Variants in ELMO1 observed in about 807,000 individuals in gnomAD.
ELMO1 encodes engulfment and cell motility protein 1.
A neutral mutation model predicts 98.9 loss-of-function variants in ELMO1; 26 were observed. That is an observed-to-expected ratio of 0.26 (90% CI 0.19 to 0.36). The LOEUF (loss-of-function observed/expected upper bound fraction) is 0.36, where lower values mean the gene tolerates loss of function less well. ELMO1 is among the 10% of genes least tolerant of loss of function. The probability of loss-of-function intolerance (pLI) is 1.00; values close to 1 mark genes in which losing one functional copy is unlikely to be tolerated. For synonymous variants in ELMO1, 346 were observed against 346.0 expected (o/e 1.00, Z 0.00); for missense variants, 627 against 935.2 (o/e 0.67, Z 4.30).
At chr7:37,382,114 A>T (rs1802605385) in intron 1 of ELMO1, among the ~76,000 whole-genome samples, 1 of 152,214 alleles carries the variant, frequency 6.6e-6, no homozygotes, top group South Asian at 2.1e-4. Context: ...TTTTATATAC[A>T]TTTAAGGCAA....
At chr7:37,044,003 G>C (rs1253147584) in intron 15 of ELMO1, among the ~76,000 whole-genome samples, 1 of 152,190 alleles carries the variant, frequency 6.6e-6, no homozygotes, top group Non-Finnish European at 1.5e-5. Flanking sequence ...ATGTCAGACA[G>C]ACTCAACGAG....
intron 16 of ELMO1, among the ~76,000 whole-genome samples, chr7:36,922,347 CAAAAAA>C (rs750588423): frequency 1.1e-4 from 9 of 85,564 alleles, no homozygotes; most frequent in South Asian, 3.8e-4. Context: ...CACAGACTTG[CAAAAAA>C]AAAAAAAAAA....
chr7:37,198,080 T>C (rs1185215120), intron 13 of ELMO1, among the ~76,000 whole-genome samples: 1 of 152,224 alleles, frequency 6.6e-6, no homozygotes, highest in African/African-American at 2.4e-5. Context: ...TCCTCGGCCA[T>C]GTGCCTACAT....
intron 1 of ELMO1, among the ~76,000 whole-genome samples, chr7:37,382,119 A>G (rs1802605560): frequency 6.6e-6 from 1 of 152,210 alleles, no homozygotes; most frequent in East Asian, 1.9e-4. Context: ...TATACATTTA[A>G]GGCAATCTCA....
chr7:36,890,400 C>T (rs1805448371), intron 17 of ELMO1, among the ~76,000 whole-genome samples: 1 of 152,204 alleles, frequency 6.6e-6, no homozygotes, highest in Non-Finnish European at 1.5e-5. Flanking sequence ...TACCCACTGT[C>T]CATCTCTCTG....
At chr7:36,983,360 T>C (rs2129145380) in intron 16 of ELMO1, among the ~76,000 whole-genome samples, 1 of 152,338 alleles carries the variant, frequency 6.6e-6, no homozygotes, top group East Asian at 1.9e-4. Flanking sequence ...CCAAAATGCC[T>C]TTTCAATTTG....
chr7:37,077,696 C>T (rs112167108), intron 15 of ELMO1, among the ~76,000 whole-genome samples: 2 of 152,278 alleles, frequency 1.3e-5, no homozygotes, highest in African/African-American at 4.8e-5. Context: ...GAGGCAGTGA[C>T]TGAAGATGGC....
intron 16 of ELMO1, among the ~76,000 whole-genome samples, chr7:36,903,679 C>T (rs1412439944): frequency 6.6e-6 from 1 of 152,154 alleles, no homozygotes; most frequent in Non-Finnish European, 1.5e-5. Context: ...TGGAGGAACA[C>T]TGGTCCGAAT....
At chr7:36,897,349 T>TGTGTGTGTGTGTGTGTGTGTGTGTGTGA (rs1370708472) in intron 16 of ELMO1, among the ~76,000 whole-genome samples, 25 of 151,738 alleles carry the variant, frequency 1.6e-4, no homozygotes, top group East Asian at 7.7e-4. Context: ...TGTGTGTGTG[T>TGTGTGTGTGTGTGTGTGTGTGTGTGTGA]GAAAGAGTGT....
intron 21 of ELMO1, 117 bp downstream of exon 21, chr7:36,861,542 C>T: frequency 3.4e-6 from 4 of 1,163,876 alleles, no homozygotes; most frequent in Non-Finnish European, 4.9e-6. Flanking sequence ...CAGCAAGATG[C>T]CCCTTGGTTC....
chr7:36,991,302 G>A (rs938171887), intron 16 of ELMO1, among the ~76,000 whole-genome samples: 4 of 152,072 alleles, frequency 2.6e-5, no homozygotes, highest in African/African-American at 9.7e-5. Context: ...CACTGATATC[G>A]TTTCCATAAC....
intron 6 of ELMO1, among the ~76,000 whole-genome samples, chr7:37,249,077 C>G (rs1435425862): frequency 6.6e-6 from 1 of 152,184 alleles, no homozygotes; most frequent in Non-Finnish European, 1.5e-5. Flanking sequence ...ATCAATAAAA[C>G]ATACAAATCC....
At chr7:37,170,849 T>C (rs571922440) in intron 13 of ELMO1, among the ~76,000 whole-genome samples, 87 of 152,216 alleles carry the variant, frequency 5.7e-4, no homozygotes, top group Non-Finnish European at 1.0e-3. Flanking sequence ...TCAAGTGATC[T>C]ACCCACCTTG....
rs377404991 is a variant in ELMO1, at chr7:36,973,761, G to A, written c.1437+39538C>T. Among the ~76,000 whole-genome samples, 741 of 152,330 alleles carry A rather than the reference G, an allele frequency of 4.9e-3. 11 individuals carry two copies. The highest frequency in any genetic ancestry group is 0.017 in the African/African-American group (688 of 41,590). On this transcript the variant is annotated intron_variant, in intron 16 of 21. Transcript: ENST00000310758. ...GGTGTGGAGGGAGAGGCGCGAGCGG[G>A]AACCGGGGCTGCGCGCGGCGCTTGC...
Position 37,204,013 on chromosome 7 carries a change from G to A in ELMO1, c.1086+7373C>T, listed in dbSNP as rs1009262699. 12 of 440,454 alleles carry A rather than the reference G, an allele frequency of 2.7e-5. No individual in the cohort carries two copies. In the East Asian group the frequency reaches 3.5e-4, roughly 13 times the overall value. 27.3% of individuals were successfully genotyped at this position (440,454 alleles called of 1,614,324 possible). On this transcript the variant is annotated intron_variant, in intron 13 of 21. Transcript: ENST00000310758. Reference sequence around the variant, plus strand: ...CTTTAGTCTGGCAGCCACGCTAGTCGCTTTTAACTGGCCAACAGGTGCCCA... The same window carrying A: ...CTTTAGTCTGGCAGCCACGCTAGTCACTTTTAACTGGCCAACAGGTGCCCA...
In ELMO1 at chr7:37,312,146, G is replaced by A. The variant is rs141866609; in HGVS notation, c.192+2704C>T. 1.2e-3 allele frequency among the ~76,000 whole-genome samples: 185 copies of A among 152,320 alleles called. 8 individuals are homozygous for A. The East Asian group carries it at 0.035, about 29-fold the overall frequency. ...CTTGCTCTGTCACTTAGGCTGGAGT[G>A]CAGTGGTACAGTCTTGGCTCACTGC... is the stretch of plus-strand genomic sequence containing the variant. On this transcript the variant is annotated intron_variant, in intron 4 of 21. Transcript: ENST00000310758.
chr7:37,296,452 A>G (rs969301491), intron 4 of ELMO1, among the ~76,000 whole-genome samples: 1 of 152,174 alleles, frequency 6.6e-6, no homozygotes, highest in Admixed American at 6.6e-5. Flanking sequence ...AGGCCTACCA[A>G]GATATTCTCC....
chr7:37,160,195 T>C (rs747566268), intron 13 of ELMO1, among the ~76,000 whole-genome samples: 2 of 152,216 alleles, frequency 1.3e-5, no homozygotes, highest in Non-Finnish European at 2.9e-5. Flanking sequence ...TATGCTGGTA[T>C]GTAAAAGAGA....
chr7:36,894,790 G>A (rs887184687), intron 17 of ELMO1, 64 bp downstream of exon 17: 42 of 1,598,098 alleles, frequency 2.6e-5, no homozygotes, highest in African/African-American at 1.2e-4. Flanking sequence ...CATGACAGGC[G>A]GTCATTCTAG....
Sources: allele counts gnomAD v4.1 joint callset (sites outside exome capture counted in the v4.1 genomes callset), GRCh38; gene constraint gnomAD v4.1.1; transcripts MANE v1.5; gene names NCBI Gene and HGNC (gene_info 2026-07-23, HGNC 2026-07-21).